INPP5A: variants seen among roughly 807,000 people sequenced by gnomAD.
INPP5A encodes the protein inositol polyphosphate-5-phosphatase A, also known as 43 kDa inositol polyphosphate 5-phophatase.
In INPP5A, 14 loss-of-function variants were observed where a neutral mutation model predicts 65.2. The observed-to-expected ratio is 0.21, with a 90% CI of 0.14 to 0.34. INPP5A has a LOEUF of 0.34. INPP5A is among the 10% of genes least tolerant of loss of function. The pLI is 1.00. For synonymous variants in INPP5A, 207 were observed against 208.3 expected, an observed-to-expected ratio of 0.99 and a Z score of 0.05; for missense variants, 431 against 545.6, an observed-to-expected ratio of 0.79 and a Z score of 2.09.
chr10:132,736,228 G>A (rs995487817), intron 9 of INPP5A, among the ~76,000 whole-genome samples: 4 of 152,314 alleles, frequency 2.6e-5, no homozygotes, highest in African/African-American at 7.2e-5. Flanking sequence ...TTCCTGCCTC[G>A]CGCGGTGGCA....
chr10:132,671,446 G>GGCCCTCCCTGCTCTGGACTCC (rs2072891512), intron 4 of INPP5A, among the ~76,000 whole-genome samples: 1 of 72,710 alleles, frequency 1.4e-5, no homozygotes, highest in Non-Finnish European at 3.0e-5. Flanking sequence ...CTTCGGACTC[G>GGCCCTCCCTGCTCTGGACTCC]GCCCTCCCTG....
At chr10:132,574,388 G>A (rs1484683106) in intron 1 of INPP5A, among the ~76,000 whole-genome samples, 1 of 149,382 alleles carries the variant, frequency 6.7e-6, no homozygotes, top group Admixed American at 6.7e-5. Context: ...TGAGATGTTG[G>A]GGTGTGTGTC....
In INPP5A at chr10:132,727,080, C is replaced by A; in HGVS notation, c.732+175C>A. 2.1e-6 allele frequency: 1 copy of A among 469,422 alleles called. No homozygotes were observed. Among genetic ancestry groups the A allele is most frequent in the Non-Finnish European group, 3.8e-6 (1 of 264,826 alleles). 29.1% of individuals were successfully genotyped at this position (469,422 alleles called of 1,614,324 possible). ...ATGTTTTGCTGTCGGCAGAGGGATC[C>A]GTGTTGGAATCCGGGGTGCGCGGGC... On this transcript the variant is annotated intron_variant, in intron 9 of 15. Coordinates refer to ENST00000368594, the MANE Select transcript of INPP5A (RefSeq NM_005539.5). This position sits in a 1 kb window ranked among gnomAD's most constrained non-coding sequence, Gnocchi z 6.5.
At chr10:132,776,654 A>AC (rs1482704930) in intron 12 of INPP5A, among the ~76,000 whole-genome samples, 7 of 151,944 alleles carry the variant, frequency 4.6e-5, no homozygotes, top group Non-Finnish European at 8.8e-5. Flanking sequence ...CAGCCACAGG[A>AC]CCCCCGGGGT....
Position 132,708,310 on chromosome 10 carries a change from C to T in INPP5A, c.475-3C>T, listed in dbSNP as rs529340981. The T allele has an allele frequency of 2.4e-5, 38 of 1,614,004 alleles. No homozygotes were observed. The Admixed American group carries it at 3.8e-4, about 16-fold the overall frequency. The stretch of plus-strand genomic sequence containing the variant: ...TCATTTGTGTGACGTGTTTATTTTT[C>T]AGTGCAAATGGTCAAGAAAAGGCTT... On this transcript the variant is annotated splice_region_variant and splice_polypyrimidine_tract_variant and intron_variant, in intron 6 of 15. Transcript: ENST00000368594.
At chr10:132,580,412 C>T (rs1043564345) in intron 1 of INPP5A, among the ~76,000 whole-genome samples, 3 of 152,180 alleles carry the variant, frequency 2.0e-5, no homozygotes, top group South Asian at 2.1e-4. Context: ...CTTCACCTTC[C>T]GCCATGATTG....
Position 132,616,404 on chromosome 10 carries a change from G to T in INPP5A, c.117+8448G>T, listed in dbSNP as rs1048964828. On this transcript the variant is annotated intron_variant, in intron 2 of 15. Coordinates refer to ENST00000368594, the MANE Select transcript of INPP5A (RefSeq NM_005539.5). The surrounding 1 kb of genome is among the most constrained non-coding windows in gnomAD (Gnocchi z 4.9). Reference sequence around the variant, plus strand: ...GCGTGGTGTGAGGTATGTGGCGTGCGGGGACGCCGTGGGCGTGGTGTGGGA... The same window carrying T: ...GCGTGGTGTGAGGTATGTGGCGTGCTGGGACGCCGTGGGCGTGGTGTGGGA... Among the ~76,000 whole-genome samples, 1 of 151,166 alleles carries T rather than the reference G, an allele frequency of 6.6e-6. No individual in the cohort carries two copies. Among genetic ancestry groups the T allele is most frequent in the Admixed American group, 6.6e-5 (1 of 15,200 alleles).
intron 9 of INPP5A, among the ~76,000 whole-genome samples, chr10:132,740,668 G>A (rs1846256897): frequency 6.6e-6 from 1 of 152,168 alleles, no homozygotes; most frequent in African/African-American, 2.4e-5. Flanking sequence ...CTGCTAGAGA[G>A]TGGCTACGTG....
At chr10:132,605,411 C>T (rs917048710) in intron 1 of INPP5A, among the ~76,000 whole-genome samples, 4 of 128,224 alleles carry the variant, frequency 3.1e-5, no homozygotes, top group Admixed American at 8.1e-5. Context: ...GAGTGGATCC[C>T]CAGGAGGGAT....
chr10:132,595,495 C>G (rs2071674834), intron 1 of INPP5A, among the ~76,000 whole-genome samples: 1 of 152,150 alleles, frequency 6.6e-6, no homozygotes, highest in Non-Finnish European at 1.5e-5. Context: ...GAGTGTGTAG[C>G]TCACTGCCTT....
At chr10:132,770,594 C>G (rs1470506297) in intron 12 of INPP5A, among the ~76,000 whole-genome samples, 1 of 152,288 alleles carries the variant, frequency 6.6e-6, no homozygotes, top group East Asian at 1.9e-4. Context: ...GGCCTGGCCA[C>G]TTCCCTCTTC....
At chr10:132,712,434 CGT>C (rs942670903) in intron 8 of INPP5A, among the ~76,000 whole-genome samples, 47 of 144,022 alleles carry the variant, frequency 3.3e-4, no homozygotes, top group African/African-American at 6.3e-4. Flanking sequence ...TGTGTGCACG[CGT>C]GTGTGGGTGT....
chr10:132,542,587 TG>T (rs919791899), intron 1 of INPP5A, among the ~76,000 whole-genome samples: 33 of 152,132 alleles, frequency 2.2e-4, no homozygotes, highest in South Asian at 8.3e-4. Context: ...TCGAGTGGGG[TG>T]GGGGGGTCTC....
At chr10:132,699,097 A>C (rs1173982773) in intron 6 of INPP5A, among the ~76,000 whole-genome samples, 1 of 152,164 alleles carries the variant, frequency 6.6e-6, no homozygotes, top group Non-Finnish European at 1.5e-5. Context: ...ACATGCAAGA[A>C]AGCTCCATGG....
intron 1 of INPP5A, among the ~76,000 whole-genome samples, chr10:132,607,345 T>G (rs1194899744): frequency 6.6e-6 from 1 of 152,222 alleles, no homozygotes; most frequent in Non-Finnish European, 1.5e-5. Context: ...TGTGGTAGGT[T>G]TTCTGTTGAT....
At chr10:132,772,357 T>C (rs868171610) in intron 12 of INPP5A, among the ~76,000 whole-genome samples, 27 of 83,712 alleles carry the variant, frequency 3.2e-4, no homozygotes, top group Admixed American at 7.7e-4. Context: ...AGCCACCCCA[T>C]GAAGAGTGGG....
intron 9 of INPP5A, among the ~76,000 whole-genome samples, chr10:132,739,521 A>G (rs1846236662): frequency 6.6e-6 from 1 of 152,228 alleles, no homozygotes; most frequent in South Asian, 2.1e-4. Flanking sequence ...CCTGTGTGCT[A>G]ATAGGTCCTA....
At chr10:132,682,546 G>A (rs2073061069) in intron 4 of INPP5A, among the ~76,000 whole-genome samples, 2 of 152,270 alleles carry the variant, frequency 1.3e-5, no homozygotes, top group South Asian at 4.1e-4. Context: ...CCATGGCAAG[G>A]ATGTGGAACG....
chr10:132,730,579 C>T (rs1192128226), intron 9 of INPP5A, among the ~76,000 whole-genome samples: 1 of 152,232 alleles, frequency 6.6e-6, no homozygotes, highest in Non-Finnish European at 1.5e-5. Flanking sequence ...GGGTGTGGGG[C>T]TTGCCTGGCC....
Sources: allele counts gnomAD v4.1 joint callset (sites outside exome capture counted in the v4.1 genomes callset), GRCh38; gene constraint gnomAD v4.1.1; non-coding constraint Gnocchi (gnomAD v3.1); transcripts MANE v1.5; gene names NCBI Gene and HGNC (gene_info 2026-07-23, HGNC 2026-07-21).